The following XDH variants were observed in gnomAD, a reference collection of about 807,000 sequenced individuals.
XDH encodes xanthine dehydrogenase, also known as xanthine dehydrogenase/oxidase.
Under a neutral mutation model 156.1 loss-of-function variants are expected in XDH, and 138 were observed. The observed-to-expected ratio is 0.88, with a 90% CI of 0.77 to 1.02. The LOEUF (loss-of-function observed/expected upper bound fraction) is 1.02. XDH is among the 50% of genes least tolerant of loss of function. The probability of loss-of-function intolerance (pLI) is 0.00; values close to 1 mark genes in which losing one functional copy is unlikely to be tolerated. For missense variants in XDH, 1,849 were observed against 1,684.9 expected (o/e 1.10, Z -1.71); for synonymous variants, 669 against 625.7 (o/e 1.07, Z -1.03).
chr2:31,381,285 C>T (rs1467145749), intron 12 of XDH, among the ~76,000 whole-genome samples: 2 of 152,154 alleles, frequency 1.3e-5, no homozygotes, highest in African/African-American at 2.4e-5. Context: ...CATAAGCCAC[C>T]GCACTACCGC....
At chr2:31,365,172 T>A (rs1418764260) in intron 23 of XDH, among the ~76,000 whole-genome samples, 1 of 152,256 alleles carries the variant, frequency 6.6e-6, no homozygotes, top group Non-Finnish European at 1.5e-5. Flanking sequence ...TGGTTTACCC[T>A]GAGTATGCTG....
chr2:31,393,374 T>C (rs1188877804), intron 6 of XDH, among the ~76,000 whole-genome samples: 1 of 152,226 alleles, frequency 6.6e-6, no homozygotes, highest in Non-Finnish European at 1.5e-5. Context: ...CCTTTATTAT[T>C]TTTAATGCCC....
chr2:31,395,303 G>A (rs561922375), intron 6 of XDH, among the ~76,000 whole-genome samples: 1 of 152,160 alleles, frequency 6.6e-6, no homozygotes. Flanking sequence ...GATGGCTGGA[G>A]GGGGCTGGGC....
chr2:31,407,075 A>C (rs1275655132), intron 1 of XDH, among the ~76,000 whole-genome samples: 1 of 152,196 alleles, frequency 6.6e-6, no homozygotes, highest in Admixed American at 6.5e-5. Context: ...AAAGAGAAAG[A>C]ATTCATGATA....
chr2:31,381,645 G>A lies in XDH; in HGVS notation c.1120C>T (p.Leu374Phe). The change falls in exon 12 of 36, where the codon CTT becomes TTT. Residue 374 changes from leucine to phenylalanine, a missense_variant. Coordinates refer to ENST00000379416, the MANE Select transcript of XDH (RefSeq NM_000379.4). ...VFMASGAKLTLVSRGTRRTVQ... is the reference protein window; with the variant it reads ...VFMASGAKLTFVSRGTRRTVQ... ...TCAGGCAGCTCACCTCTGGACACAA[G>A]TGTCAGCTTGGCCCCACTGGCCATG... is the stretch of plus-strand genomic sequence containing the variant. 1 of 1,614,128 alleles carries A rather than the reference G, an allele frequency of 6.2e-7. No individual in the cohort carries two copies. Among genetic ancestry groups the A allele is most frequent in the Non-Finnish European group, 8.5e-7 (1 of 1,180,016 alleles).
At chr2:31,354,840 G>A (rs1039400587) in intron 24 of XDH, among the ~76,000 whole-genome samples, 1 of 152,126 alleles carries the variant, frequency 6.6e-6, no homozygotes, top group Non-Finnish European at 1.5e-5. Context: ...TGGAAGAAAA[G>A]GAGAAAAAGA....
chr2:31,344,514 T>C (rs1345578766), intron 31 of XDH, among the ~76,000 whole-genome samples, 170 bp downstream of exon 31: 1 of 152,186 alleles, frequency 6.6e-6, no homozygotes. Context: ...AGTGTGGCCA[T>C]TCCACATATT....
Position 31,383,091 on chromosome 2 carries a change from A to G in XDH, c.948T>C (p.Val316=), listed in dbSNP as rs749580652. 6.2e-7 allele frequency: 1 copy of G among 1,614,186 alleles called. No individual in the cohort carries two copies. The highest frequency in any genetic ancestry group is 8.5e-7 in the Non-Finnish European group (1 of 1,180,026). Residue 316 remains valine (V), a synonymous_variant, in exon 11 of 36, where the codon GTT becomes GTC. Transcript: ENST00000379416. ...SIVEKTLVDA[V]AKLPAQKTEV... is the part of the protein sequence containing the mutation. ...CTGTCTTTTGGGCAGGAAGCTTAGCAACAGCATCCACCAGGGTTTTTTCCA... is the reference window on the plus strand; with the variant it reads ...CTGTCTTTTGGGCAGGAAGCTTAGCGACAGCATCCACCAGGGTTTTTTCCA...
At chr2:31,369,176 A>G (rs1380368740) in intron 18 of XDH, among the ~76,000 whole-genome samples, 3 of 152,174 alleles carry the variant, frequency 2.0e-5, no homozygotes, top group Non-Finnish European at 4.4e-5. Context: ...CAAAGGCTGT[A>G]AAGGCTGTAA....
At chr2:31,354,141 G>C (rs941733684) in intron 24 of XDH, among the ~76,000 whole-genome samples, 2 of 151,280 alleles carry the variant, frequency 1.3e-5, no homozygotes. Context: ...TCTCTGCCCA[G>C]AAGTAAGAAG....
At chr2:31,398,831 G>T (rs1686983820) in intron 4 of XDH, 132 bp from the exon 5 acceptor site, 1 of 1,441,678 alleles carries the variant, frequency 6.9e-7, no homozygotes, top group Non-Finnish European at 9.5e-7. Flanking sequence ...AAGCCCCAGT[G>T]CCACCATTTA....
chr2:31,373,839 C>A, intron 16 of XDH, 34 bp downstream of exon 16: 1 of 1,610,686 alleles, frequency 6.2e-7, no homozygotes, highest in East Asian at 2.2e-5. Flanking sequence ...CCTGCAAAGT[C>A]CCCTGATATT....
chr2:31,383,804 G>A lies in XDH; in HGVS notation c.837C>T (p.Val279=), dbSNP rs4407290. Residue 279 remains valine (V), a synonymous_variant, in exon 10 of 36, where the codon GTC becomes GTT. Coordinates refer to ENST00000379416, the MANE Select transcript of XDH (RefSeq NM_000379.4). ...KFKNMLFPMI[V]CPAWIPELNS... ...TCAGCTCAGGGATCCAGGCTGGGCAGACAATCATAGGAAACAGCATATTCT... is the reference window on the plus strand; with the variant it reads ...TCAGCTCAGGGATCCAGGCTGGGCAAACAATCATAGGAAACAGCATATTCT... The A allele has an allele frequency of 0.033, 53,647 of 1,613,936 alleles. 1,101 individuals carry two copies. The highest frequency in any genetic ancestry group is 0.067 in the South Asian group (6,138 of 91,022).
At chr2:31,388,185 C>T in intron 7 of XDH, 42 bp downstream of exon 7, 23 of 1,607,652 alleles carry the variant, frequency 1.4e-5, no homozygotes, top group Non-Finnish European at 1.8e-5. Flanking sequence ...CTCTAAGTCT[C>T]AGATTACCCC....
At chr2:31,349,300 C>G (rs1305690783) in intron 26 of XDH, among the ~76,000 whole-genome samples, 1 of 152,142 alleles carries the variant, frequency 6.6e-6, no homozygotes, top group Non-Finnish European at 1.5e-5. Context: ...AGAGCCAGCC[C>G]AATTATGCCC....
At chr2:31,370,287 G>A (rs1224573691) in intron 18 of XDH, 68 bp downstream of exon 18, 23 of 1,565,718 alleles carry the variant, frequency 1.5e-5, no homozygotes, top group Non-Finnish European at 1.8e-5. Flanking sequence ...GGAGTTTGGA[G>A]CAATGTACAC....
At chr2:31,353,181 A>G (rs962800073) in intron 24 of XDH, among the ~76,000 whole-genome samples, 1 of 152,146 alleles carries the variant, frequency 6.6e-6, no homozygotes, top group Non-Finnish European at 1.5e-5. Flanking sequence ...TTATTTTTCT[A>G]AACAACTCAA....
chr2:31,376,951 C>A (rs923991421), intron 14 of XDH, 102 bp downstream of exon 14: 1 of 1,443,118 alleles, frequency 6.9e-7, no homozygotes. Context: ...GTAGTAGCAG[C>A]AATAGTAATA....
rs1479124051 is a variant in XDH at position 31,414,631 on chromosome 2, G to T, written c.36C>A (p.Gly12=). ...AAGGTCAGCTCCTACTTACCTTTCTGCCATTCACAAAGAAAACCAATTTGT... is the reference window on the plus strand; with the variant it reads ...AAGGTCAGCTCCTACTTACCTTTCTTCCATTCACAAAGAAAACCAATTTGT... The part of the protein sequence containing the change: ...TADKLVFFVN[G]RKVVEKNADP... Residue 12 remains glycine, a synonymous_variant, in exon 1 of 36, where the codon GGC becomes GGA. Transcript: ENST00000379416. 5.6e-6 allele frequency: 9 copies of T among 1,614,074 alleles called. No homozygotes were observed. Among genetic ancestry groups the T allele is most frequent in the Non-Finnish European group, 7.6e-6 (9 of 1,179,980 alleles).
Sources: gnomAD v4.1 joint callset for allele counts (sites outside exome capture counted in the v4.1 genomes callset) on GRCh38, gnomAD v4.1.1 for gene constraint, MANE v1.5 for transcripts, NCBI Gene and HGNC (gene_info 2026-07-23, HGNC 2026-07-21) for gene names.